The following LRRC8A variants were observed in gnomAD, a reference collection of about 807,000 sequenced individuals.
The protein encoded by LRRC8A is volume-regulated anion channel subunit LRRC8A.
In LRRC8A, 24 loss-of-function variants were observed where a neutral mutation model predicts 52.5. The observed-to-expected ratio is 0.46, with a 90% CI of 0.33 to 0.64. The LOEUF (loss-of-function observed/expected upper bound fraction) is 0.64, where lower values mean the gene tolerates loss of function less well. Ranked by LOEUF, LRRC8A falls within the 30% of genes least tolerant of loss-of-function variation. LRRC8A has a pLI of 0.02. For missense variants in LRRC8A, 677 were observed against 1,094.7 expected, an observed-to-expected ratio of 0.62 and a Z score of 5.38; for synonymous variants, 492 against 494.2, an observed-to-expected ratio of 1.00 and a Z score of 0.06.
intron 2 of LRRC8A, among the ~76,000 whole-genome samples, chr9:128,890,130 T>TTGTGTGTGTGTGTGTGTGTGTGTGTGTG (rs57721007): frequency 1.4e-4 from 18 of 128,302 alleles, no homozygotes; most frequent in Admixed American, 1.1e-3. Flanking sequence ...TGGCTTCATT[T>TTGTGTGTGTGTGTGTGTGTGTGTGTGTG]TGTGTGTGTG....
chr9:128,909,425 C>G, intron 3 of LRRC8A, 104 bp downstream of exon 3: 1 of 1,150,272 alleles, frequency 8.7e-7, no homozygotes, highest in Admixed American at 2.0e-5. Flanking sequence ...CGTCGATGCC[C>G]CTGAGTGTGG....
chr9:128,887,357 CCT>C (rs1461764614), intron 2 of LRRC8A, among the ~76,000 whole-genome samples: 1 of 151,754 alleles, frequency 6.6e-6, no homozygotes, highest in African/African-American at 2.4e-5. Context: ...GGAGATAGAG[CCT>C]CTCTACATTG....
chr9:128,890,178 G>A (rs1004844129), intron 2 of LRRC8A, among the ~76,000 whole-genome samples: 4 of 150,500 alleles, frequency 2.7e-5, no homozygotes, highest in Non-Finnish European at 5.9e-5. Flanking sequence ...GTGCTGGGAA[G>A]GCGAGGGGCT....
At chr9:128,888,169 T>C (rs1384134971) in intron 2 of LRRC8A, among the ~76,000 whole-genome samples, 2 of 152,154 alleles carry the variant, frequency 1.3e-5, no homozygotes, top group African/African-American at 4.8e-5. Flanking sequence ...CCATAGGAGT[T>C]TCCTGTTGGT....
chr9:128,911,935 C>G lies in LRRC8A; in HGVS notation c.2157+2614C>G, dbSNP rs1207917297. Among the ~76,000 whole-genome samples the G allele has an allele frequency of 6.6e-6, 1 of 152,270 alleles. No individual in the cohort carries two copies. The highest frequency in any genetic ancestry group is 1.9e-4 in the East Asian group (1 of 5,200). On this transcript the variant is annotated intron_variant, in intron 3 of 3. Coordinates refer to ENST00000372600, the MANE Select transcript of LRRC8A (RefSeq NM_019594.4). This position sits in a 1 kb window ranked among gnomAD's most constrained non-coding sequence, Gnocchi z 4.9. ...TCGGGCTTGATGGCTCCTTCTCAGC[C>G]ACCTTGGCCAGTGGTGACCAGGAGG...
At position 128,907,851 on chromosome 9, in the gene LRRC8A, G is replaced by T. The variant is rs376295105; in HGVS notation, c.687G>T (p.Thr229=). The change falls in exon 3 of 4, where the codon ACG becomes ACT. Residue 229 remains threonine (T), a synonymous_variant. Coordinates refer to ENST00000372600, the MANE Select transcript of LRRC8A (RefSeq NM_019594.4). The surrounding 1 kb of genome is among the most constrained non-coding windows in gnomAD (Gnocchi z 9.3). ...IEQGIVDRSE[T]GVLDKKEGEQ... Reference sequence around the variant, plus strand: ...AGGGTATCGTGGACCGCTCAGAGACGGGCGTGCTGGACAAGAAGGAGGGGG... The same window carrying T: ...AGGGTATCGTGGACCGCTCAGAGACTGGCGTGCTGGACAAGAAGGAGGGGG... 9.3e-6 allele frequency: 15 copies of T among 1,613,932 alleles called. No homozygotes were observed.
chr9:128,909,238 C>G lies in LRRC8A; in HGVS notation c.2074C>G (p.Leu692Val). The G allele has an allele frequency of 1.9e-6, 3 of 1,614,164 alleles. No individual in the cohort carries two copies. Among genetic ancestry groups the G allele is most frequent in the Non-Finnish European group, 2.5e-6 (3 of 1,180,050 alleles). ...CTGCCGCAAGCTGCGCTACCTGGACCTCAGCCACAACAACCTGACCTTCCT... is the reference window on the plus strand; with the variant it reads ...CTGCCGCAAGCTGCGCTACCTGGACGTCAGCCACAACAACCTGACCTTCCT... Reference protein sequence around the residue: ...FYCRKLRYLDLSHNNLTFLPA... With the variant: ...FYCRKLRYLDVSHNNLTFLPA... The change falls in exon 3 of 4, where the codon CTC becomes GTC. Residue 692 changes from leucine (L) to valine (V), a missense_variant. This residue lies in a region of LRRC8A where 169 missense variants were observed against 217.6 expected (regional missense o/e 0.78). Coordinates refer to ENST00000372600, the MANE Select transcript of LRRC8A (RefSeq NM_019594.4).
chr9:128,883,314 A>G (rs1371289426), intron 1 of LRRC8A, among the ~76,000 whole-genome samples: 1 of 152,130 alleles, frequency 6.6e-6, no homozygotes, highest in Non-Finnish European at 1.5e-5. Flanking sequence ...AGTACTCTTA[A>G]CCCCTGCCAA....
In LRRC8A at chr9:128,902,158, CAAACTG is replaced by C. The variant is rs1360703974; in HGVS notation, c.-8-4998_-8-4993del. Among the ~76,000 whole-genome samples, 1 of 152,216 alleles carries C rather than the reference CAAACTG, an allele frequency of 6.6e-6. No homozygotes were observed. Among genetic ancestry groups the C allele is most frequent in the East Asian group, 1.9e-4 (1 of 5,184 alleles). ...CCCTCCTCCACTCCCCAGACACACT[CAAACTG>C]GAGAGAGGAACCTGAAGCAGAAGTC... On this transcript the variant is annotated intron_variant, in intron 2 of 3. Coordinates refer to ENST00000372600, the MANE Select transcript of LRRC8A (RefSeq NM_019594.4). The surrounding 1 kb of genome is among the most constrained non-coding windows in gnomAD (Gnocchi z 4.1).
intron 2 of LRRC8A, among the ~76,000 whole-genome samples, chr9:128,891,553 C>A (rs1228998421): frequency 6.6e-6 from 1 of 152,148 alleles, no homozygotes; most frequent in Non-Finnish European, 1.5e-5. Context: ...AGCGCAAGAT[C>A]CTGTCTCAAA....
At chr9:128,890,395 A>T (rs147479025) in intron 2 of LRRC8A, among the ~76,000 whole-genome samples, 1 of 152,174 alleles carries the variant, frequency 6.6e-6, no homozygotes, top group African/African-American at 2.4e-5. Context: ...GCCTAGAGCA[A>T]TGTTCCAGTG....
chr9:128,909,389 A>T, intron 3 of LRRC8A, 68 bp downstream of exon 3: 1 of 1,472,334 alleles, frequency 6.8e-7, no homozygotes. Context: ...GTGGTGGGGC[A>T]CTCGGCAGGC....
Position 128,908,082 on chromosome 9 carries a change from C to T in LRRC8A, c.918C>T (p.Arg306=), listed in dbSNP as rs200186109. 386 of 1,614,010 alleles carry T rather than the reference C, an allele frequency of 2.4e-4. 5 individuals are homozygous for T. The South Asian group carries it at 3.5e-3, about 15-fold the overall frequency. The stretch of plus-strand genomic sequence containing the variant: ...ACATTGAGAGCCTGACGGGCTACCG[C>T]ACCTACCGCTGTGCCCACCCCCTGG... ...TVDIESLTGY[R]TYRCAHPLAT... Residue 306 remains arginine, a synonymous_variant, in exon 3 of 4, where the codon CGC becomes CGT. Transcript: ENST00000372600.
At position 128,916,360 on chromosome 9, in the gene LRRC8A, G is replaced by A. The variant is rs1444496315; in HGVS notation, c.2422G>A (p.Glu808Lys). The A allele has an allele frequency of 6.2e-7, 1 of 1,609,092 alleles. No homozygotes were observed. The highest frequency in any genetic ancestry group is 8.5e-7 in the Non-Finnish European group (1 of 1,178,076). Residue 808 changes from glutamate (E) to lysine (K), a missense_variant, in exon 4 of 4, where the codon GAG (glutamate) becomes AAG (lysine). Physicochemically the swap from Glu to Lys is moderately conservative, Grantham distance 56. Around this residue, in one of 4 missense-constraint regions of LRRC8A, gnomAD observed 169 missense variants for 217.6 expected, o/e 0.78. Transcript: ENST00000372600. The surrounding 1 kb of genome is among the most constrained non-coding windows in gnomAD (Gnocchi z 6.1). Reference protein sequence around the residue: ...VKERLWRADKEQA With the variant: ...VKERLWRADKKQA ...GGAGCGGCTGTGGAGGGCTGACAAG[G>A]AGCAGGCCTGAGCGAGGCCGGCCCA...
chr9:128,913,937 G>T (rs1840679006), intron 3 of LRRC8A, among the ~76,000 whole-genome samples: 3 of 152,222 alleles, frequency 2.0e-5, no homozygotes, highest in Non-Finnish European at 4.4e-5. Context: ...GGGCATGGTG[G>T]CTCACGCCTG....
chr9:128,915,458 G>C (rs1298768076), intron 3 of LRRC8A, among the ~76,000 whole-genome samples: 1 of 152,144 alleles, frequency 6.6e-6, no homozygotes, highest in Non-Finnish European at 1.5e-5. Context: ...CCGAGTAGCT[G>C]GGACTACAGG....
rs375717848 is a variant in LRRC8A at position 128,907,287 on chromosome 9, C to T, written c.123C>T (p.Phe41=). 105 of 1,613,890 alleles carry T rather than the reference C, an allele frequency of 6.5e-5. No homozygotes were observed. The highest frequency in any genetic ancestry group is 1.3e-4 in the Admixed American group (8 of 59,992). ...TCGTCATGCTGATGATTGCCGTCTTCGGGGGGACGCTGCAGGTCACCCAAG... is the reference window on the plus strand; with the variant it reads ...TCGTCATGCTGATGATTGCCGTCTTTGGGGGGACGCTGCAGGTCACCCAAG... ...ISIVMLMIAV[F]GGTLQVTQDK... is the part of the protein sequence containing the mutation. The change falls in exon 3 of 4, where the codon TTC becomes TTT. Residue 41 remains phenylalanine, a synonymous_variant. Transcript: ENST00000372600. The surrounding 1 kb of genome is among the most constrained non-coding windows in gnomAD (Gnocchi z 9.3).
intron 1 of LRRC8A, 93 bp downstream of exon 1, chr9:128,882,343 C>T (rs1434588204): frequency 1.1e-5 from 2 of 184,822 alleles, no homozygotes; most frequent in Non-Finnish European, 2.2e-5. Context: ...CCGGGGCGCC[C>T]GGGGCATCTG....
chr9:128,883,994 C>A (rs1042542670), intron 1 of LRRC8A, among the ~76,000 whole-genome samples: 19 of 151,176 alleles, frequency 1.3e-4, no homozygotes, highest in African/African-American at 3.6e-4. Flanking sequence ...AAAAAAAAAA[C>A]AGAGCGGGGG....
Sources: allele counts gnomAD v4.1 joint callset (sites outside exome capture counted in the v4.1 genomes callset), GRCh38; gene constraint gnomAD v4.1.1; regional missense constraint gnomAD v4.1.1; non-coding constraint Gnocchi (gnomAD v3.1); transcripts MANE v1.5; gene names NCBI Gene and HGNC (gene_info 2026-07-23, HGNC 2026-07-21).